LRFN5: variants seen among roughly 807,000 people sequenced by gnomAD.
The protein encoded by LRFN5 is leucine-rich repeat and fibronectin type-III domain-containing protein 5.
In LRFN5, 24 loss-of-function variants were observed where a neutral mutation model predicts 45.6. The ratio of observed to expected loss-of-function variants is 0.53; its 90% CI spans 0.38 to 0.74. The LOEUF is 0.74. Ranked by LOEUF, LRFN5 falls within the 30% of genes least tolerant of loss-of-function variation. The pLI is 0.00. For synonymous variants in LRFN5, 340 were observed against 313.8 expected, an observed-to-expected ratio of 1.08 and a Z score of -0.88; for missense variants, 776 against 861.5, an observed-to-expected ratio of 0.90 and a Z score of 1.24.
At chr14:41,732,036 G>A (rs1884201612) in intron 1 of LRFN5, among the ~76,000 whole-genome samples, 2 of 152,272 alleles carry the variant, frequency 1.3e-5, no homozygotes, top group South Asian at 4.1e-4. Context: ...TGATATAACT[G>A]TACTGAAACT....
chr14:41,829,136 TTA>T (rs1189150728), intron 2 of LRFN5, among the ~76,000 whole-genome samples: 1 of 151,998 alleles, frequency 6.6e-6, no homozygotes, highest in African/African-American at 2.4e-5. Flanking sequence ...TGCTTCTTCT[TTA>T]TATGTCATTT....
chr14:41,745,818 G>A (rs1884897855), intron 1 of LRFN5, among the ~76,000 whole-genome samples: 1 of 151,888 alleles, frequency 6.6e-6, no homozygotes, highest in African/African-American at 2.4e-5. Flanking sequence ...AATTAACCCA[G>A]AAGAAATCGA....
chr14:41,679,901 C>T (rs138586994), intron 1 of LRFN5, among the ~76,000 whole-genome samples: 121 of 152,210 alleles, frequency 7.9e-4, no homozygotes, highest in Middle Eastern at 3.4e-3. Context: ...GGGAAAGTCC[C>T]AGGTTTGGCA....
chr14:41,614,250 G>A lies in LRFN5; in HGVS notation c.-197+5688G>A, dbSNP rs74045172. 5.0e-3 allele frequency among the ~76,000 whole-genome samples: 765 copies of A among 152,176 alleles called. 4 individuals are homozygous for A. Among genetic ancestry groups the A allele is most frequent in the African/African-American group, 0.018 (742 of 41,550 alleles). On this transcript the variant is annotated intron_variant, in intron 1 of 5. Coordinates refer to ENST00000298119, the MANE Select transcript of LRFN5 (RefSeq NM_152447.5). ...TATGGCAGCATTGAACACTACATGA[G>A]TAGTGCATATGCTTTATTTTACGTG...
At chr14:41,883,651 T>A (rs952472694) in intron 2 of LRFN5, among the ~76,000 whole-genome samples, 2 of 152,228 alleles carry the variant, frequency 1.3e-5, no homozygotes, top group African/African-American at 2.4e-5. Flanking sequence ...TTATTTACGA[T>A]GAGAAGTCAG....
At position 41,842,854 on chromosome 14, in the gene LRFN5, C is replaced by A. The variant is rs149076774; in HGVS notation, c.-20-43752C>A. Reference sequence around the variant, plus strand: ...GTTTTAAGTACATTCCCTGTGATTTCAACATTACCTAATGGAAATTATGCT... The same window carrying A: ...GTTTTAAGTACATTCCCTGTGATTTAAACATTACCTAATGGAAATTATGCT... On this transcript the variant is annotated intron_variant, in intron 2 of 5. Transcript: ENST00000298119. Among the ~76,000 whole-genome samples the A allele has an allele frequency of 5.0e-3, 766 of 152,062 alleles. 8 individuals are homozygous for A. Among genetic ancestry groups the A allele is most frequent in the African/African-American group, 0.018 (733 of 41,516 alleles).
chr14:41,631,602 A>G (rs1888537554), intron 1 of LRFN5, among the ~76,000 whole-genome samples: 1 of 152,174 alleles, frequency 6.6e-6, no homozygotes, highest in African/African-American at 2.4e-5. Flanking sequence ...TAAGATATCA[A>G]GTGTGGAATT....
intron 1 of LRFN5, among the ~76,000 whole-genome samples, chr14:41,645,885 G>A (rs999355082): frequency 6.6e-6 from 1 of 151,974 alleles, no homozygotes; most frequent in African/African-American, 2.4e-5. Context: ...TGTTAAATTG[G>A]GGCAGTTACA....
chr14:41,776,134 A>T (rs1281728276), intron 2 of LRFN5, among the ~76,000 whole-genome samples: 1 of 152,178 alleles, frequency 6.6e-6, no homozygotes, highest in Non-Finnish European at 1.5e-5. Context: ...TACTCTTTTG[A>T]AAGTTAAAAG....
chr14:41,777,634 G>C (rs747098330), intron 2 of LRFN5, among the ~76,000 whole-genome samples: 3 of 151,578 alleles, frequency 2.0e-5, no homozygotes, highest in Non-Finnish European at 4.4e-5. Flanking sequence ...TCATCTAATT[G>C]AGCATGCTAG....
chr14:41,610,626 A>C (rs1024672409), intron 1 of LRFN5, among the ~76,000 whole-genome samples: 2 of 137,330 alleles, frequency 1.5e-5, no homozygotes, highest in Non-Finnish European at 3.1e-5. Context: ...TCTCGACTTT[A>C]ACAGAACTTT....
At position 41,781,649 on chromosome 14, in the gene LRFN5, G is replaced by A. The variant is rs1245325078; in HGVS notation, c.-21+14620G>A. Among the ~76,000 whole-genome samples, 4 of 117,906 alleles carry A rather than the reference G, an allele frequency of 3.4e-5. No individual in the cohort carries two copies. The East Asian group carries it at 9.9e-4, about 29-fold the overall frequency. 77.4% of individuals were successfully genotyped at this position (117,906 alleles called of 152,430 possible). ...AAGAAAGAAAGGAAAGAAAGAAAGA[G>A]AAAGAAAGAAAGAAAGGAAAGAAAG... On this transcript the variant is annotated intron_variant, in intron 2 of 5. Coordinates refer to ENST00000298119, the MANE Select transcript of LRFN5 (RefSeq NM_152447.5).
chr14:41,621,579 T>C (rs1431830406), intron 1 of LRFN5, among the ~76,000 whole-genome samples: 1 of 151,968 alleles, frequency 6.6e-6, no homozygotes, highest in Non-Finnish European at 1.5e-5. Flanking sequence ...CTTGTTGGAG[T>C]TCAGGTTCTG....
intron 1 of LRFN5, among the ~76,000 whole-genome samples, chr14:41,737,747 A>G (rs1230172676): frequency 6.6e-6 from 1 of 152,132 alleles, no homozygotes; most frequent in Non-Finnish European, 1.5e-5. Flanking sequence ...CCCATTCACA[A>G]TTGCTACAAA....
chr14:41,686,580 T>A (rs1276778227), intron 1 of LRFN5, among the ~76,000 whole-genome samples: 1 of 152,108 alleles, frequency 6.6e-6, no homozygotes, highest in Non-Finnish European at 1.5e-5. Flanking sequence ...TTTTGCCTAT[T>A]CAATATGATA....
chr14:41,815,025 A>T (rs1038273543), intron 2 of LRFN5, among the ~76,000 whole-genome samples: 3 of 152,180 alleles, frequency 2.0e-5, no homozygotes, highest in African/African-American at 7.2e-5. Context: ...CAATAATAAC[A>T]AAGTAGTCTA....
rs112690356 is a variant in LRFN5, at chr14:41,705,942, A to C, written c.-196-60912A>C. Among the ~76,000 whole-genome samples, 977 of 152,264 alleles carry C rather than the reference A, an allele frequency of 6.4e-3. 15 individuals are homozygous for C. The highest frequency in any genetic ancestry group is 0.023 in the African/African-American group (952 of 41,542). On this transcript the variant is annotated intron_variant, in intron 1 of 5. Coordinates refer to ENST00000298119, the MANE Select transcript of LRFN5 (RefSeq NM_152447.5). ...AATCATTTAAGCATACCTTGTGGAA[A>C]TCCTGCCAACTTGACTACTGTGCCT...
intron 1 of LRFN5, among the ~76,000 whole-genome samples, chr14:41,753,447 A>T (rs1594675969): frequency 6.6e-6 from 1 of 152,098 alleles, no homozygotes; most frequent in East Asian, 1.9e-4. Flanking sequence ...TTCATTGAGC[A>T]GTGGTTTGTA....
At chr14:41,830,701 G>C (rs1888447678) in intron 2 of LRFN5, among the ~76,000 whole-genome samples, 1 of 152,126 alleles carries the variant, frequency 6.6e-6, no homozygotes, top group South Asian at 2.1e-4. Flanking sequence ...AGGGAAGCTG[G>C]GGATGCTGAC....
Sources: allele counts gnomAD v4.1 joint callset (sites outside exome capture counted in the v4.1 genomes callset), GRCh38; gene constraint gnomAD v4.1.1; transcripts MANE v1.5; gene names NCBI Gene and HGNC (gene_info 2026-07-23, HGNC 2026-07-21).